The following ZNF420 variants were observed in gnomAD, a reference collection of about 807,000 sequenced individuals.
ZNF420 encodes the protein ATM and p53-associated KZNF protein.
Under a neutral mutation model 44.7 loss-of-function variants are expected in ZNF420, and 31 were observed. That is an observed-to-expected ratio of 0.69 (90% confidence interval 0.52 to 0.94). ZNF420 has a LOEUF of 0.94. Ranked by LOEUF, ZNF420 falls within the 40% of genes least tolerant of loss-of-function variation. The pLI is 0.00. For missense variants in ZNF420, 681 were observed against 827.9 expected (o/e 0.82, Z 2.18); for synonymous variants, 245 against 267.4 (o/e 0.92, Z 0.82).
chr19:37,106,493 A>C (rs6510588), intron 4 of ZNF420, among the ~76,000 whole-genome samples: 83,224 of 151,976 alleles, frequency 0.55, 23,982 homozygotes, highest in African/African-American at 0.71. Context: ...CAAAACTATT[A>C]TTGTGAAGAT....
chr19:37,085,400 G>A (rs1968698671), intron 2 of ZNF420, among the ~76,000 whole-genome samples: 1 of 152,184 alleles, frequency 6.6e-6, no homozygotes, highest in Non-Finnish European at 1.5e-5. Flanking sequence ...TTAATGAAGA[G>A]TCTGACTCTT....
chr19:37,081,203 C>T (rs1239996104), intron 2 of ZNF420, among the ~76,000 whole-genome samples: 1 of 152,020 alleles, frequency 6.6e-6, no homozygotes, highest in Non-Finnish European at 1.5e-5. Flanking sequence ...TGAGGATCTT[C>T]CAGAGATCTT....
At chr19:37,080,847 G>A (rs181078974) in intron 2 of ZNF420, among the ~76,000 whole-genome samples, 156 of 151,854 alleles carry the variant, frequency 1.0e-3, no homozygotes, top group East Asian at 3.5e-3. Context: ...GAGGTTAGGA[G>A]ATCGAAACCA....
At chr19:37,087,915 G>C (rs1359943268) in intron 2 of ZNF420, among the ~76,000 whole-genome samples, 2 of 152,202 alleles carry the variant, frequency 1.3e-5, no homozygotes, top group Admixed American at 1.3e-4. Context: ...AAAGTGCTGG[G>C]ATTACAGGCG....
At chr19:37,033,421 A>G (rs1408490828) in intron 1 of ZNF420, among the ~76,000 whole-genome samples, 1 of 152,198 alleles carries the variant, frequency 6.6e-6, no homozygotes, top group Non-Finnish European at 1.5e-5. Context: ...TTCTATGAAT[A>G]TGACATGCTC....
chr19:37,017,952 G>T (rs1429768580), intron 1 of ZNF420, among the ~76,000 whole-genome samples: 1 of 152,012 alleles, frequency 6.6e-6, no homozygotes, highest in African/African-American at 2.4e-5. Context: ...CTAATAAAAT[G>T]AATTCAGCAG....
chr19:37,079,647 T>C (rs1968322637), intron 1 of ZNF420, among the ~76,000 whole-genome samples: 1 of 152,160 alleles, frequency 6.6e-6, no homozygotes, highest in South Asian at 2.1e-4. Context: ...TTTGGACACC[T>C]GAGTGATGAA....
intron 4 of ZNF420, among the ~76,000 whole-genome samples, chr19:37,119,855 TA>T (rs1156710238): frequency 6.6e-6 from 1 of 151,974 alleles, no homozygotes; most frequent in African/African-American, 2.4e-5. Context: ...TCTATGCAAA[TA>T]AACTAGAAAA....
In ZNF420 at chr19:37,128,194, T is replaced by C. The variant is rs745632780; in HGVS notation, c.1203T>C (p.Ser401=). The C allele has an allele frequency of 9.3e-6, 15 of 1,613,934 alleles. No homozygotes were observed. Among genetic ancestry groups the C allele is most frequent in the Admixed American group, 1.7e-5 (1 of 59,990 alleles). ...YECKECGKMF[S]HGSQLTQHQR... ...GTAAGGAATGTGGAAAGATGTTTAG[T>C]CATGGCTCACAACTTACTCAACATC... Residue 401 remains serine, a synonymous_variant, in exon 5 of 5, where the codon AGT becomes AGC. Coordinates refer to ENST00000337995, the MANE Select transcript of ZNF420 (RefSeq NM_144689.5).
upstream of ZNF420, among the ~76,000 whole-genome samples, chr19:37,077,337 A>G (rs551352131): frequency 2.0e-5 from 3 of 152,316 alleles, no homozygotes; most frequent in African/African-American, 7.2e-5. Context: ...TTATTATTTT[A>G]TTAGTTGATG....
At position 37,127,614 on chromosome 19, in the gene ZNF420, C is replaced by G; in HGVS notation, c.623C>G (p.Ser208Ter). ...TGTGGGAAGGCCTTTACTCAAAGCT[C>G]ACAACTTATTTTACATCATAGAATT... ...KECGKAFTQS[S>*]QLILHHRIHT... is the part of the protein sequence containing the mutation. The change falls in exon 5 of 5, where the codon TCA becomes TGA. Residue 208 changes from serine to a stop codon, truncating the protein, a stop_gained. Coordinates refer to ENST00000337995, the MANE Select transcript of ZNF420 (RefSeq NM_144689.5). LOFTEE classifies it high-confidence loss of function. The G allele has an allele frequency of 6.2e-7, 1 of 1,614,020 alleles. No homozygotes were observed. Among genetic ancestry groups the G allele is most frequent in the Non-Finnish European group, 8.5e-7 (1 of 1,179,954 alleles).
intron 1 of ZNF420, among the ~76,000 whole-genome samples, chr19:37,057,477 ACT>A (rs1370377059): frequency 7.3e-6 from 1 of 137,894 alleles, no homozygotes; most frequent in South Asian, 2.4e-4. Context: ...TCTGTCTCTC[ACT>A]CTCTGTCTGT....
intron 1 of ZNF420, among the ~76,000 whole-genome samples, chr19:37,068,034 T>C (rs1370513386): frequency 6.6e-6 from 1 of 152,084 alleles, no homozygotes; most frequent in Non-Finnish European, 1.5e-5. Flanking sequence ...CACACACACA[T>C]ACATATAGAT....
chr19:37,118,378 A>G (rs1482108811), intron 4 of ZNF420, among the ~76,000 whole-genome samples: 1 of 152,182 alleles, frequency 6.6e-6, no homozygotes, highest in Non-Finnish European at 1.5e-5. Context: ...TAAGCTTCAT[A>G]AGTGAAGGAG....
chr19:37,073,080 C>T (rs1463510929), intron 1 of ZNF420, among the ~76,000 whole-genome samples: 2 of 152,090 alleles, frequency 1.3e-5, no homozygotes, highest in African/African-American at 4.8e-5. Flanking sequence ...CAGGGTGGCT[C>T]ATGCTTATAA....
intron 4 of ZNF420, among the ~76,000 whole-genome samples, chr19:37,121,157 G>A (rs1200472329): frequency 1.3e-4 from 19 of 145,774 alleles, no homozygotes; most frequent in South Asian, 4.4e-4. Flanking sequence ...AAAAGAGCCC[G>A]CATTGCCAAG....
Position 37,129,110 on chromosome 19 carries a change from C to A in ZNF420, c.*52C>A. 6.4e-7 allele frequency: 1 copy of A among 1,553,486 alleles called. No homozygotes were observed. ...GAAGAGGTTCTCTGGTTGTTAGCAGCAAAGAATTCTCACAAATGTGAATAT... is the reference window on the plus strand; with the variant it reads ...GAAGAGGTTCTCTGGTTGTTAGCAGAAAAGAATTCTCACAAATGTGAATAT... On this transcript the variant is annotated 3_prime_UTR_variant, in exon 5 of 5. Coordinates refer to ENST00000337995, the MANE Select transcript of ZNF420 (RefSeq NM_144689.5).
chr19:37,055,417 G>C (rs1385075454), intron 1 of ZNF420, among the ~76,000 whole-genome samples: 1 of 152,132 alleles, frequency 6.6e-6, no homozygotes, highest in Non-Finnish European at 1.5e-5. Context: ...GGTAAAAGTC[G>C]GCTCAAAAAG....
At position 37,129,309 on chromosome 19, in the gene ZNF420, A is replaced by G; in HGVS notation, c.*251A>G. 1 of 453,232 alleles carries G rather than the reference A, an allele frequency of 2.2e-6. No homozygotes were observed. Among genetic ancestry groups the G allele is most frequent in the Non-Finnish European group, 3.9e-6 (1 of 257,114 alleles). The allele number at this position is 453,232 out of a possible 1,614,324, so 28.1% of individuals were successfully genotyped here. On this transcript the variant is annotated 3_prime_UTR_variant, in exon 5 of 5. Coordinates refer to ENST00000337995, the MANE Select transcript of ZNF420 (RefSeq NM_144689.5). ...CCCTTTAGCCATATTGAAAACAAAT[A>G]TCTTTTTCAACGTTATCTTAGCTCT...
Sources: gnomAD v4.1 joint callset for allele counts (sites outside exome capture counted in the v4.1 genomes callset) on GRCh38, gnomAD v4.1.1 for gene constraint, MANE v1.5 for transcripts, NCBI Gene and HGNC (gene_info 2026-07-23, HGNC 2026-07-21) for gene names.